Variants in GRIA3 observed in about 807,000 individuals in gnomAD.
GRIA3 encodes glutamate ionotropic receptor AMPA type subunit 3, also known as glutamate receptor 3.
In GRIA3, 3 loss-of-function variants were observed where a neutral mutation model predicts 63.0. The ratio of observed to expected loss-of-function variants is 0.05; its 90% CI spans 0.02 to 0.12. The LOEUF (loss-of-function observed/expected upper bound fraction) is 0.12, where lower values mean the gene tolerates loss of function less well. Ranked by LOEUF, GRIA3 falls within the 10% of genes least tolerant of loss-of-function variation. The pLI, the probability that GRIA3 is intolerant of heterozygous loss-of-function variation, is 1.00. For missense variants in GRIA3, 347 were observed against 700.9 expected (o/e 0.50, Z 5.70); for synonymous variants, 274 against 257.9 (o/e 1.06, Z -0.60).
intron 2 of GRIA3, chrX:123,202,777 T>G: frequency 8.6e-7 from 1 of 1,164,477 alleles, no homozygotes; most frequent in Non-Finnish European, 1.1e-6. Flanking sequence ...GCCTATTGTA[T>G]CTGGGGTAAG....
chrX:123,389,260 AG>A (rs900686418), intron 5 of GRIA3, among the ~76,000 whole-genome samples: 3 of 112,076 alleles, frequency 2.7e-5, no homozygotes. Context: ...GTTTAAATTC[AG>A]TGTTTCTTTG....
intron 3 of GRIA3, among the ~76,000 whole-genome samples, chrX:123,266,489 G>A (rs947624088): frequency 3.6e-5 from 4 of 110,836 alleles, no homozygotes; most frequent in East Asian, 5.7e-4. Flanking sequence ...AAAGACCTTC[G>A]TCTACGTTTC....
intron 2 of GRIA3, among the ~76,000 whole-genome samples, chrX:123,247,904 A>G (rs1022096739): frequency 5.4e-5 from 6 of 111,572 alleles, no homozygotes; most frequent in African/African-American, 2.0e-4. Flanking sequence ...GATATACTTC[A>G]TATTTTATTT....
intron 10 of GRIA3, among the ~76,000 whole-genome samples, chrX:123,415,899 G>A (rs944755153): frequency 1.8e-5 from 2 of 111,749 alleles, no homozygotes; most frequent in Non-Finnish European, 3.8e-5. Context: ...ACCTAAGAGG[G>A]GTTGGCTAAG....
At chrX:123,436,299 T>A (rs2045643636) in intron 12 of GRIA3, among the ~76,000 whole-genome samples, 1 of 107,417 alleles carries the variant, frequency 9.3e-6, no homozygotes, top group African/African-American at 3.7e-5. Flanking sequence ...GAGATGTGGG[T>A]TTGTTTTTTG....
intron 2 of GRIA3, among the ~76,000 whole-genome samples, chrX:123,210,175 CTTTT>C (rs200522754): frequency 3.2e-5 from 3 of 92,342 alleles, no homozygotes; most frequent in African/African-American, 4.1e-5. Context: ...CAACCTGCTC[CTTTT>C]TTTTTTTTTT....
chrX:123,354,887 T>C (rs763392594), intron 4 of GRIA3, 23 bp from the exon 5 acceptor site: 15 of 1,138,265 alleles, frequency 1.3e-5, no homozygotes, highest in Non-Finnish European at 1.8e-5. Context: ...ATAAGCAATA[T>C]GTCTTATTTC....
At chrX:123,324,572 A>C (rs1427407529) in intron 3 of GRIA3, among the ~76,000 whole-genome samples, 3 of 112,026 alleles carry the variant, frequency 2.7e-5, no homozygotes, top group African/African-American at 9.7e-5. Flanking sequence ...CCACACGAAA[A>C]TGTAAATCTG....
rs145135949 is a variant in GRIA3 at position 123,387,640 on chromosome X, G to A, written c.751-7328G>A. On this transcript the variant is annotated intron_variant, in intron 5 of 15. Transcript: ENST00000620443. Reference sequence around the variant, plus strand: ...CTAGTTTGTTGAGAGTTTTTATTATGAAGGGATGCTGACTTTTACCCAGTG... The same window carrying A: ...CTAGTTTGTTGAGAGTTTTTATTATAAAGGGATGCTGACTTTTACCCAGTG... 7.8e-3 allele frequency among the ~76,000 whole-genome samples: 870 copies of A among 111,846 alleles called. 4 individuals are homozygous for A. The highest frequency in any genetic ancestry group is 9.6e-3 in the Non-Finnish European group (509 of 53,102).
At chrX:123,334,096 G>A (rs763136311) in intron 4 of GRIA3, among the ~76,000 whole-genome samples, 2 of 111,587 alleles carry the variant, frequency 1.8e-5, no homozygotes, top group African/African-American at 6.5e-5. Flanking sequence ...ACTACAGAAT[G>A]GTGTCCCAAA....
intron 2 of GRIA3, among the ~76,000 whole-genome samples, chrX:123,252,950 G>A (rs2044399156): frequency 8.9e-6 from 1 of 111,876 alleles, no homozygotes; most frequent in Admixed American, 9.4e-5. Context: ...TAGTTTGATG[G>A]ACGCATTAGT....
At chrX:123,397,871 T>C (rs766280703) in intron 6 of GRIA3, among the ~76,000 whole-genome samples, 141 of 112,176 alleles carry the variant, frequency 1.3e-3, no homozygotes, top group Middle Eastern at 4.6e-3. Context: ...TGAAAAAGCA[T>C]CCACCATTTC....
intron 5 of GRIA3, among the ~76,000 whole-genome samples, chrX:123,370,317 T>C (rs1471152186): frequency 9.0e-6 from 1 of 111,197 alleles, no homozygotes; most frequent in Non-Finnish European, 1.9e-5. Context: ...ATTACCTACA[T>C]GAAATTGTTG....
chrX:123,404,973 GAGA>G (rs1294027426), intron 10 of GRIA3, 59 bp downstream of exon 10: 15 of 845,754 alleles, frequency 1.8e-5, no homozygotes, highest in Non-Finnish European at 2.5e-5. Flanking sequence ...ACAAAGAAGA[GAGA>G]AGATTTAATT....
chrX:123,276,166 G>A (rs1305379418), intron 3 of GRIA3, among the ~76,000 whole-genome samples: 2 of 111,552 alleles, frequency 1.8e-5, no homozygotes, highest in Non-Finnish European at 3.8e-5. Flanking sequence ...CTGAATGGGT[G>A]CAATTTTTCT....
At chrX:123,386,536 C>T (rs763272185) in intron 5 of GRIA3, among the ~76,000 whole-genome samples, 1 of 111,573 alleles carries the variant, frequency 9.0e-6, no homozygotes, top group African/African-American at 3.2e-5. Context: ...TTTGCCTACA[C>T]TAATGTCCTG....
At chrX:123,205,207 C>G (rs1927854049) in intron 2 of GRIA3, among the ~76,000 whole-genome samples, 1 of 111,980 alleles carries the variant, frequency 8.9e-6, no homozygotes, top group Non-Finnish European at 1.9e-5. Flanking sequence ...GGGTGAGACT[C>G]AAACCTTAGT....
intron 3 of GRIA3, among the ~76,000 whole-genome samples, chrX:123,315,182 C>A: frequency 9.0e-6 from 1 of 111,730 alleles, no homozygotes; most frequent in East Asian, 2.8e-4. Flanking sequence ...AGGGTCAGCT[C>A]TTAATTAAAG....
At chrX:123,373,182 A>C (rs1340934970) in intron 5 of GRIA3, among the ~76,000 whole-genome samples, 1 of 110,885 alleles carries the variant, frequency 9.0e-6, no homozygotes, top group African/African-American at 3.3e-5. Context: ...ATGTCCCTAC[A>C]AAGGACATGA....
Sources: gnomAD v4.1 joint callset for allele counts (sites outside exome capture counted in the v4.1 genomes callset) on GRCh38, gnomAD v4.1.1 for gene constraint, MANE v1.5 for transcripts, NCBI Gene and HGNC (gene_info 2026-07-23, HGNC 2026-07-21) for gene names.